TRIM66: variants seen among roughly 807,000 people sequenced by gnomAD.
TRIM66 encodes the protein tripartite motif-containing protein 66.
In TRIM66, 99 loss-of-function variants were observed where a neutral mutation model predicts 148.2. The observed-to-expected ratio is 0.67, with a 90% CI of 0.57 to 0.79. TRIM66 has a LOEUF of 0.79. TRIM66 is among the 30% of genes least tolerant of loss of function. The pLI, the probability that TRIM66 is intolerant of heterozygous loss-of-function variation, is 0.00. For missense variants in TRIM66, 1,666 were observed against 1,697.9 expected (o/e 0.98, Z 0.33); for synonymous variants, 616 against 635.9 (o/e 0.97, Z 0.47).
intron 15 of TRIM66, among the ~76,000 whole-genome samples, chr11:8,626,418 AT>A (rs770730749): frequency 2.6e-5 from 4 of 152,156 alleles, no homozygotes; most frequent in Non-Finnish European, 5.9e-5. Context: ...TACTAAAGCT[AT>A]TTTGCCATGA....
At chr11:8,658,737 C>A (rs1005070684) in intron 6 of TRIM66, 6 of 983,350 alleles carry the variant, frequency 6.1e-6, no homozygotes, top group Non-Finnish European at 7.2e-6. Flanking sequence ...ACACTCTCAC[C>A]GCATCATTTT....
In TRIM66 at chr11:8,618,932, C is replaced by A. The variant is rs1424283997; in HGVS notation, c.3937G>T (p.Glu1313Ter). The change falls in exon 24 of 25, where the codon GAA becomes TAA. Residue 1313 changes from glutamate to a stop codon, truncating the protein, a stop_gained. Coordinates refer to ENST00000646038, the MANE Select transcript of TRIM66 (RefSeq NM_001388022.1). LOFTEE classifies it high-confidence loss of function. ...SEVAEAGRCLEVFFEGWLKEI... is the reference protein window; with the variant it reads ...SEVAEAGRCL The stretch of plus-strand genomic sequence containing the variant: ...TTCAACCAGCCCTCAAAGAACACTT[C>A]CAGGCAGCGGCCAGCCTCTGCAACC... 10 of 1,551,340 alleles carry A rather than the reference C, an allele frequency of 6.4e-6. No homozygotes were observed. The highest frequency in any genetic ancestry group is 8.7e-6 in the Non-Finnish European group (10 of 1,146,962).
At chr11:8,622,984 G>A (rs1260577843) in intron 17 of TRIM66, 108 bp from the exon 18 acceptor site, 1 of 888,474 alleles carries the variant, frequency 1.1e-6, no homozygotes, top group Admixed American at 2.1e-5. Flanking sequence ...CCACACATCT[G>A]TCATACAGTA....
intron 6 of TRIM66, among the ~76,000 whole-genome samples, chr11:8,659,073 G>T (rs1256013382): frequency 6.6e-6 from 1 of 151,854 alleles, no homozygotes; most frequent in Admixed American, 6.6e-5. Flanking sequence ...GAATGAACAG[G>T]GTTGACTGGA....
At chr11:8,670,971 C>T (rs1213587524) in intron 6 of TRIM66, among the ~76,000 whole-genome samples, 1 of 152,132 alleles carries the variant, frequency 6.6e-6, no homozygotes, top group Non-Finnish European at 1.5e-5. Context: ...TGTGTGTGGA[C>T]CTCAGCTTGA....
intron 15 of TRIM66, among the ~76,000 whole-genome samples, chr11:8,626,917 C>T (rs1198607284): frequency 6.6e-6 from 1 of 152,148 alleles, no homozygotes; most frequent in Admixed American, 6.6e-5. Context: ...CTATCCTCAC[C>T]CCCTTCAGAT....
At chr11:8,667,558 C>A (rs928154702) in intron 6 of TRIM66, among the ~76,000 whole-genome samples, 1 of 152,190 alleles carries the variant, frequency 6.6e-6, no homozygotes, top group Non-Finnish European at 1.5e-5. Flanking sequence ...CTGTACCCAT[C>A]AAATAACAAC....
Position 8,655,124 on chromosome 11 carries a change from T to A in TRIM66, c.341-3221A>T, listed in dbSNP as rs1565548852. ...ATCCACCCACCTCAGCCTCCTAAAG[T>A]GCTGGGATTACAGGCATGAGCCACT... On this transcript the variant is annotated intron_variant, in intron 6 of 24. Coordinates refer to ENST00000646038, the MANE Select transcript of TRIM66 (RefSeq NM_001388022.1). Among the ~76,000 whole-genome samples, 3 of 152,072 alleles carry A rather than the reference T, an allele frequency of 2.0e-5. No individual in the cohort carries two copies. The South Asian group carries it at 6.2e-4, about 32-fold the overall frequency.
At chr11:8,662,773 C>T (rs533099957) in intron 6 of TRIM66, among the ~76,000 whole-genome samples, 2 of 152,194 alleles carry the variant, frequency 1.3e-5, no homozygotes, top group South Asian at 4.1e-4. Context: ...GTTCCTTTTC[C>T]TCACATGGGG....
intron 15 of TRIM66, among the ~76,000 whole-genome samples, chr11:8,628,948 G>C (rs540293092): frequency 6.6e-6 from 1 of 152,214 alleles, no homozygotes; most frequent in Admixed American, 6.5e-5. Context: ...TCTCTCCAAA[G>C]AAAAGTATGC....
chr11:8,643,168 C>T lies in TRIM66; in HGVS notation c.1105-42G>A, dbSNP rs917220884. 31 of 1,509,774 alleles carry T rather than the reference C, an allele frequency of 2.1e-5. No individual in the cohort carries two copies. In the East Asian group the frequency reaches 6.7e-4, roughly 32 times the overall value. The allele number at this position is 1,509,774 out of a possible 1,614,324, so 93.5% of individuals were successfully genotyped here. On this transcript the variant is annotated intron_variant, in intron 12 of 24. Coordinates refer to ENST00000646038, the MANE Select transcript of TRIM66 (RefSeq NM_001388022.1). ...AGGTCATTTATTTGGGCATCTTGCA[C>T]CTAAATGACAACTCCCCTTCCCTTA... is the stretch of plus-strand genomic sequence containing the variant.
At chr11:8,681,924 A>C (rs572087387) in intron 1 of TRIM66, among the ~76,000 whole-genome samples, 295 of 152,240 alleles carry the variant, frequency 1.9e-3, no homozygotes, top group Non-Finnish European at 3.1e-3. Flanking sequence ...ATTTATTTTT[A>C]CTTATTTACT....
rs2036270685 is a variant in TRIM66 at position 8,640,498 on chromosome 11, G to A, written c.1877C>T (p.Pro626Leu). 1 of 1,548,286 alleles carries A rather than the reference G, an allele frequency of 6.5e-7. No individual in the cohort carries two copies. The highest frequency in any genetic ancestry group is 8.7e-7 in the Non-Finnish European group (1 of 1,146,530). The change falls in exon 14 of 25, where the codon CCT becomes CTT. Residue 626 changes from proline (P) to leucine (L), a missense_variant. Pro to Leu is a moderately conservative substitution (Grantham distance 98, BLOSUM62 -3). Transcript: ENST00000646038. ...LPPPPQQPHP[P>L]LPPSQHLASS... ...AGCCAGATGCTGGGATGGAGGAAGA[G>A]GTGGGTGTGGCTGCTGTGGGGGAGG...
intron 11 of TRIM66, among the ~76,000 whole-genome samples, chr11:8,646,103 A>C (rs766628106): frequency 3.9e-5 from 6 of 152,186 alleles, no homozygotes; most frequent in Non-Finnish European, 7.3e-5. Context: ...TGGAATGGGT[A>C]ATAAATGAAA....
At chr11:8,682,949 G>A (rs2039514099), upstream of TRIM66, 1 of 1,291,474 alleles carries the variant, frequency 7.7e-7, no homozygotes, top group East Asian at 2.4e-5. Context: ...GCGGGGCAGG[G>A]TGGCCGGCGC....
chr11:8,671,988 C>T lies in TRIM66; in HGVS notation c.138G>A (p.Gly46=). 1 of 1,536,094 alleles carries T rather than the reference C, an allele frequency of 6.5e-7. No individual in the cohort carries two copies. The highest frequency in any genetic ancestry group is 8.7e-7 in the Non-Finnish European group (1 of 1,146,916). The part of the protein sequence containing the change: ...MAVDMGMSFM[G]LPLAGQKHCP... The stretch of plus-strand genomic sequence containing the variant: ...AGTGTTTCTGGCCAGCTAGTGGCAG[C>T]CCCATAAAGCTCATGCCCATGTCCA... The change falls in exon 6 of 25, where the codon GGG becomes GGA. Residue 46 remains glycine, a synonymous_variant. Transcript: ENST00000646038.
chr11:8,682,014 G>A (rs1376870515), intron 1 of TRIM66, among the ~76,000 whole-genome samples: 1 of 152,154 alleles, frequency 6.6e-6, no homozygotes, highest in African/African-American at 2.4e-5. Flanking sequence ...CTCCCGCCTC[G>A]ACCTCCCAAA....
chr11:8,618,293 C>G (rs759483468), intron 24 of TRIM66, among the ~76,000 whole-genome samples: 21 of 152,246 alleles, frequency 1.4e-4, no homozygotes, highest in Non-Finnish European at 2.6e-4. Context: ...GCCCAAAGAT[C>G]AGAGGAGCTC....
rs143520802 is a variant in TRIM66 at position 8,664,471 on chromosome 11, G to A, written c.340+7315C>T. ...AATTTGACCTTACCGGGCAGTAGTT[G>A]TTAACCTTAGTCTATAAATATCCCA... On this transcript the variant is annotated intron_variant, in intron 6 of 24. Transcript: ENST00000646038. Among the ~76,000 whole-genome samples the A allele has an allele frequency of 3.7e-4, 57 of 152,202 alleles. No individual in the cohort carries two copies. The East Asian group carries it at 9.9e-3, about 26-fold the overall frequency.
Sources: allele counts gnomAD v4.1 joint callset (sites outside exome capture counted in the v4.1 genomes callset), GRCh38; gene constraint gnomAD v4.1.1; transcripts MANE v1.5; gene names NCBI Gene and HGNC (gene_info 2026-07-23, HGNC 2026-07-21).